The following SMARCA2 variants were observed in gnomAD, a reference collection of about 807,000 sequenced individuals.
SMARCA2 encodes the protein SWI/SNF related BAF chromatin remodeling complex subunit ATPase 2, also known as SWI/SNF-related matrix-associated actin-dependent regulator of chromatin subfamily A member 2.
In SMARCA2, 61 loss-of-function variants were observed where a neutral mutation model predicts 199.8. The ratio of observed to expected loss-of-function variants is 0.31; its 90% CI spans 0.25 to 0.38. The LOEUF is 0.38. Among genes scored for constraint, SMARCA2 ranks in the 10% least tolerant of loss-of-function variants. The pLI, the probability that SMARCA2 is intolerant of heterozygous loss-of-function variation, is 1.00. For missense variants in SMARCA2, 1,344 were observed against 2,012.2 expected, an observed-to-expected ratio of 0.67 and a Z score of 6.35; for synonymous variants, 935 against 732.0, an observed-to-expected ratio of 1.28 and a Z score of -4.48.
chr9:2,029,095 C>G lies in SMARCA2; in HGVS notation c.73C>G (p.Pro25Ala), dbSNP rs1818953476. 1 of 1,588,948 alleles carries G rather than the reference C, an allele frequency of 6.3e-7. No homozygotes were observed. The highest frequency in any genetic ancestry group is 1.3e-5 in the African/African-American group (1 of 74,380). Reference protein sequence around the residue: ...PSPGPGPSPGPILGPSPGPGP... With the variant: ...PSPGPGPSPGAILGPSPGPGP... ...GCCGGGGCCTGGGCCTTCCCCTGGGCCAATTCTTGGGCCTAGTCCAGGACC... is the reference window on the plus strand; with the variant it reads ...GCCGGGGCCTGGGCCTTCCCCTGGGGCAATTCTTGGGCCTAGTCCAGGACC... The change falls in exon 2 of 34, where the codon CCA (proline) becomes GCA (alanine). Residue 25 changes from proline to alanine, a missense_variant. Around this residue, in one of 18 missense-constraint regions of SMARCA2, gnomAD observed 275 missense variants for 247.5 expected, o/e 1.11. Coordinates refer to ENST00000349721, the MANE Select transcript of SMARCA2 (RefSeq NM_003070.5).
intron 29 of SMARCA2, among the ~76,000 whole-genome samples, chr9:2,175,268 A>C (rs1366931674): frequency 6.6e-6 from 1 of 152,128 alleles, no homozygotes; most frequent in Admixed American, 6.5e-5. Flanking sequence ...GATAGCTGAC[A>C]AATCTACTCA....
intron 9 of SMARCA2, among the ~76,000 whole-genome samples, chr9:2,065,155 A>C (rs964227507): frequency 1.3e-5 from 2 of 152,158 alleles, no homozygotes; most frequent in African/African-American, 4.8e-5. Context: ...ACTGCACTCC[A>C]GCCTGGGCGA....
intron 14 of SMARCA2, among the ~76,000 whole-genome samples, chr9:2,077,986 C>A (rs1037647723): frequency 6.6e-6 from 1 of 152,136 alleles, no homozygotes; most frequent in Non-Finnish European, 1.5e-5. Flanking sequence ...TACCCATTTT[C>A]TCTTTTATGC....
chr9:2,158,808 G>A (rs917154081), intron 27 of SMARCA2: 4 of 691,622 alleles, frequency 5.8e-6, no homozygotes, highest in African/African-American at 1.8e-5. Context: ...CTTTATGTGC[G>A]AAAAGCATTG....
intron 2 of SMARCA2, 149 bp downstream of exon 2, chr9:2,029,396 A>G: frequency 8.7e-7 from 1 of 1,149,878 alleles, no homozygotes; most frequent in Admixed American, 2.8e-5. Context: ...AAAAACGCAT[A>G]TTGTGAGGTA....
chr9:2,067,785 T>C (rs34084455), intron 9 of SMARCA2, among the ~76,000 whole-genome samples: 12,857 of 152,254 alleles, frequency 0.084, 668 homozygotes, highest in Middle Eastern at 0.13. Context: ...TGATACCTAA[T>C]AGAACTTTAA....
intron 3 of SMARCA2, among the ~76,000 whole-genome samples, chr9:2,038,227 G>A (rs1265543889): frequency 6.6e-6 from 1 of 152,150 alleles, no homozygotes; most frequent in Non-Finnish European, 1.5e-5. Flanking sequence ...TTAATTGTGT[G>A]ACTTTGGGTA....
At chr9:2,032,889 A>G (rs537275074) in intron 2 of SMARCA2, 63 bp from the exon 3 acceptor site, 15 of 1,507,038 alleles carry the variant, frequency 1.0e-5, no homozygotes, top group South Asian at 4.9e-5. Flanking sequence ...GGGGTCTGAA[A>G]ACTCCAAATA....
intron 5 of SMARCA2, among the ~76,000 whole-genome samples, chr9:2,052,997 G>A (rs7864116): frequency 2.0e-5 from 3 of 152,156 alleles, no homozygotes; most frequent in Non-Finnish European, 4.4e-5. Context: ...ATTTTAGATT[G>A]AGGGGATTCA....
At chr9:2,178,052 CAAATT>C (rs1360290006) in intron 29 of SMARCA2, among the ~76,000 whole-genome samples, 1 of 149,752 alleles carries the variant, frequency 6.7e-6, no homozygotes, top group Non-Finnish European at 1.5e-5. Flanking sequence ...TGAAGCATAA[CAAATT>C]AAATCTCAGT....
intron 14 of SMARCA2, chr9:2,080,097 T>G (rs1821501607): frequency 1.3e-5 from 2 of 152,294 alleles, no homozygotes; most frequent in African/African-American, 4.8e-5. Context: ...CCTTCCCTGA[T>G]CATTTCTCAT....
chr9:2,183,490 G>A (rs942171815), intron 31 of SMARCA2, among the ~76,000 whole-genome samples: 1 of 152,048 alleles, frequency 6.6e-6, no homozygotes, highest in Non-Finnish European at 1.5e-5. Context: ...TGTATCTCTG[G>A]CCTGATGCCT....
At chr9:2,061,136 G>A in intron 9 of SMARCA2, 150 bp downstream of exon 9, 2 of 717,826 alleles carry the variant, frequency 2.8e-6, no homozygotes, top group Non-Finnish European at 2.2e-6. Flanking sequence ...GTATGGCATG[G>A]AAGTGTTGAT....
chr9:2,027,071 A>C (rs988190389), intron 1 of SMARCA2, among the ~76,000 whole-genome samples: 2 of 151,250 alleles, frequency 1.3e-5, no homozygotes, highest in African/African-American at 4.9e-5. Context: ...AAAATGGCCT[A>C]AATTCTTGCC....
chr9:2,143,202 A>G (rs1052023262), intron 27 of SMARCA2, among the ~76,000 whole-genome samples: 3 of 152,136 alleles, frequency 2.0e-5, no homozygotes, highest in Non-Finnish European at 4.4e-5. Context: ...GGATCAGGAG[A>G]GTTCCAGGCC....
chr9:2,191,314 G>A lies in SMARCA2; in HGVS notation c.4643G>A (p.Gly1548Asp). Reference protein sequence around the residue: ...KIKLNKKDDKGRDKGKGKKRP... With the variant: ...KIKLNKKDDKDRDKGKGKKRP... ...AAGCTCAATAAAAAAGATGACAAAG[G>A]CCGGGACAAAGGGAAAGGCAAGAAA... The change falls in exon 33 of 34, where the codon GGC (glycine) becomes GAC (aspartate). Residue 1548 changes from glycine to aspartate, a missense_variant. Transcript: ENST00000349721. 1 of 1,614,072 alleles carries A rather than the reference G, an allele frequency of 6.2e-7. No homozygotes were observed. The highest frequency in any genetic ancestry group is 8.5e-7 in the Non-Finnish European group (1 of 1,179,958).
intron 4 of SMARCA2, chr9:2,042,814 G>A (rs1819670328): frequency 6.6e-6 from 1 of 152,112 alleles, no homozygotes; most frequent in African/African-American, 2.4e-5. Flanking sequence ...GGCAGGTAGG[G>A]TTTTATGGAA....
chr9:2,163,923 C>T (rs987015328), intron 28 of SMARCA2, among the ~76,000 whole-genome samples: 1 of 152,074 alleles, frequency 6.6e-6, no homozygotes, highest in Non-Finnish European at 1.5e-5. Flanking sequence ...TCAGCAAATA[C>T]ATAAACCTGG....
chr9:2,114,702 T>A (rs1823143581), intron 24 of SMARCA2, among the ~76,000 whole-genome samples: 1 of 152,200 alleles, frequency 6.6e-6, no homozygotes, highest in Non-Finnish European at 1.5e-5. Flanking sequence ...GGTTTTTATT[T>A]AAAAATTTCA....
Sources: allele counts gnomAD v4.1 joint callset (sites outside exome capture counted in the v4.1 genomes callset), GRCh38; gene constraint gnomAD v4.1.1; regional missense constraint gnomAD v4.1.1; transcripts MANE v1.5; gene names NCBI Gene and HGNC (gene_info 2026-07-23, HGNC 2026-07-21).